Variants in HS3ST3A1 observed in about 807,000 individuals in gnomAD.
HS3ST3A1 encodes heparan sulfate-glucosamine 3-sulfotransferase 3A1.
Under a neutral mutation model 25.7 loss-of-function variants are expected in HS3ST3A1, and 19 were observed. The ratio of observed to expected loss-of-function variants is 0.74; its 90% CI spans 0.52 to 1.08. The LOEUF (loss-of-function observed/expected upper bound fraction) is 1.08, where lower values mean the gene tolerates loss of function less well. Among genes scored for constraint, HS3ST3A1 ranks in the 50% least tolerant of loss-of-function variants. The pLI is 0.00. For synonymous variants in HS3ST3A1, 226 were observed against 278.6 expected, an observed-to-expected ratio of 0.81 and a Z score of 1.88; for missense variants, 459 against 594.3, an observed-to-expected ratio of 0.77 and a Z score of 2.37.
rs189135969 is a variant in HS3ST3A1, at chr17:13,601,423, C to G, written c.-294G>C. On this transcript the variant is annotated 5_prime_UTR_variant, in exon 1 of 2. Coordinates refer to ENST00000284110, the MANE Select transcript of HS3ST3A1 (RefSeq NM_006042.3). Reference sequence around the variant, plus strand: ...CGCCCAAGTCCTGAGCTTGGGGCAGCCTTGGCCCCTCGGTTCCCCGCAAGA... The same window carrying G: ...CGCCCAAGTCCTGAGCTTGGGGCAGGCTTGGCCCCTCGGTTCCCCGCAAGA... The G allele has an allele frequency of 2.4e-5, 8 of 334,274 alleles. No individual in the cohort carries two copies. The highest frequency in any genetic ancestry group is 1.5e-4 in the African/African-American group (7 of 46,806). The allele number at this position is 334,274 out of a possible 1,614,324, so 20.7% of individuals were successfully genotyped here.
intron 1 of HS3ST3A1, among the ~76,000 whole-genome samples, chr17:13,542,298 C>G (rs1417044932): frequency 2.1e-5 from 3 of 146,044 alleles, no homozygotes; most frequent in Non-Finnish European, 4.5e-5. Context: ...CACTGCCCTC[C>G]AGCCTGGGCA....
At chr17:13,511,672 GCTGAAGCATGGTACTGATT>G (rs1905864682) in intron 1 of HS3ST3A1, among the ~76,000 whole-genome samples, 1 of 151,110 alleles carries the variant, frequency 6.6e-6, no homozygotes, top group African/African-American at 2.4e-5. Context: ...AGATGAAACA[GCTGAAGCATGGTACTGATT>G]CTTTCTAGTG....
intron 1 of HS3ST3A1, among the ~76,000 whole-genome samples, chr17:13,522,031 G>T (rs1906263476): frequency 6.6e-6 from 1 of 152,100 alleles, no homozygotes; most frequent in Admixed American, 6.5e-5. Context: ...TCTCCTGGGG[G>T]CAAAACTGTC....
At chr17:13,567,656 A>G (rs1240155032) in intron 1 of HS3ST3A1, among the ~76,000 whole-genome samples, 1 of 152,214 alleles carries the variant, frequency 6.6e-6, no homozygotes, top group African/African-American at 2.4e-5. Flanking sequence ...GATGACTTTG[A>G]CAAGTTCTGG....
chr17:13,539,179 G>A (rs34149033), intron 1 of HS3ST3A1, among the ~76,000 whole-genome samples: 15,060 of 152,242 alleles, frequency 0.099, 898 homozygotes, highest in Non-Finnish European at 0.14. Flanking sequence ...GTGAGCCACA[G>A]CAGAAGCTGT....
chr17:13,504,129 T>C (rs927133974), intron 1 of HS3ST3A1, among the ~76,000 whole-genome samples: 1 of 151,894 alleles, frequency 6.6e-6, no homozygotes, highest in Non-Finnish European at 1.5e-5. Context: ...CCTGACCAAC[T>C]GGTGAAACCC....
chr17:13,495,368 A>C lies in HS3ST3A1; in HGVS notation c.*829T>G, dbSNP rs16940820. On this transcript the variant is annotated 3_prime_UTR_variant, in exon 2 of 2. Coordinates refer to ENST00000284110, the MANE Select transcript of HS3ST3A1 (RefSeq NM_006042.3). ...TTAAGAGAGGTTGTGTCCAGGTCTCAGTGGTTTTCTTGGACACAACTATGT... is the reference window on the plus strand; with the variant it reads ...TTAAGAGAGGTTGTGTCCAGGTCTCCGTGGTTTTCTTGGACACAACTATGT... Among the ~76,000 whole-genome samples, 32,280 of 152,148 alleles carry C rather than the reference A, an allele frequency of 0.21. 3,829 individuals are homozygous for C. The highest frequency in any genetic ancestry group is 0.33 in the African/African-American group (13,778 of 41,482).
rs1006900216 is a variant in HS3ST3A1 at position 13,495,792 on chromosome 17, T to C, written c.*405A>G. 5.0e-5 allele frequency: 8 copies of C among 159,790 alleles called. No homozygotes were observed. The highest frequency in any genetic ancestry group is 1.9e-4 in the African/African-American group (8 of 41,602). The allele number at this position is 159,790 out of a possible 1,614,324, so 9.9% of individuals were successfully genotyped here. On this transcript the variant is annotated 3_prime_UTR_variant, in exon 2 of 2. Coordinates refer to ENST00000284110, the MANE Select transcript of HS3ST3A1 (RefSeq NM_006042.3). ...TGATAATACTAACTGGGAAATAATTTAAGAAAAAGTGGCACGGGAAAAAGG... is the reference window on the plus strand; with the variant it reads ...TGATAATACTAACTGGGAAATAATTCAAGAAAAAGTGGCACGGGAAAAAGG...
intron 1 of HS3ST3A1, among the ~76,000 whole-genome samples, chr17:13,567,129 A>G (rs2142370164): frequency 6.6e-6 from 1 of 152,300 alleles, no homozygotes; most frequent in Non-Finnish European, 1.5e-5. Context: ...GCCAATGCTC[A>G]TTTGCCATTT....
intron 1 of HS3ST3A1, among the ~76,000 whole-genome samples, chr17:13,503,172 T>G (rs1598407101): frequency 2.5e-5 from 1 of 40,792 alleles, no homozygotes; most frequent in Admixed American, 4.0e-4. Flanking sequence ...AGACTCCATC[T>G]CAAAAAAAAA....
At chr17:13,544,468 G>A (rs1907027578) in intron 1 of HS3ST3A1, among the ~76,000 whole-genome samples, 1 of 152,162 alleles carries the variant, frequency 6.6e-6, no homozygotes, top group Admixed American at 6.5e-5. Flanking sequence ...TTGAAGGAAG[G>A]GCTCGCTGCC....
rs1161966358 is a variant in HS3ST3A1 at position 13,600,778 on chromosome 17, G to A, written c.352C>T (p.Pro118Ser). The A allele has an allele frequency of 6.8e-6, 10 of 1,474,682 alleles. No homozygotes were observed. Among genetic ancestry groups the A allele is most frequent in the Middle Eastern group, 2.2e-4 (1 of 4,584 alleles). The allele number at this position is 1,474,682 out of a possible 1,614,324, so 91.3% of individuals were successfully genotyped here. The change falls in exon 1 of 2, where the codon CCT becomes TCT. Residue 118 changes from proline (P) to serine (S), a missense_variant. Physicochemically the swap from Pro to Ser is moderately conservative, Grantham distance 74. Transcript: ENST00000284110. ...CCGCCCGGACCCCCTGACAGGCCAG[G>A]GGACTCTTCTTCCCAGGCCGCCTCC... Reference protein sequence around the residue: ...GEEAAWEEESPGLSGGPGGSG... With the variant: ...GEEAAWEEESSGLSGGPGGSG...
intron 1 of HS3ST3A1, among the ~76,000 whole-genome samples, chr17:13,550,136 C>T (rs1378415765): frequency 5.3e-5 from 8 of 152,136 alleles, no homozygotes; most frequent in Non-Finnish European, 7.3e-5. Flanking sequence ...ATAACTGAAT[C>T]CGTTTAGTAG....
chr17:13,584,064 T>C (rs1908184213), intron 1 of HS3ST3A1, among the ~76,000 whole-genome samples: 1 of 152,216 alleles, frequency 6.6e-6, no homozygotes, highest in South Asian at 2.1e-4. Flanking sequence ...GTATTCATAG[T>C]GAACACATAA....
At chr17:13,585,246 C>T (rs543921993) in intron 1 of HS3ST3A1, among the ~76,000 whole-genome samples, 6 of 112,998 alleles carry the variant, frequency 5.3e-5, no homozygotes, top group African/African-American at 1.7e-4. Flanking sequence ...GTCGCCCAGG[C>T]TGGAGTGCAG....
intron 1 of HS3ST3A1, among the ~76,000 whole-genome samples, chr17:13,573,308 T>C (rs528660744): frequency 2.4e-4 from 37 of 152,218 alleles, no homozygotes; most frequent in African/African-American, 8.7e-4. Context: ...AATCCATCCA[T>C]GCTTTGTCTT....
At chr17:13,582,121 T>C (rs1200462917) in intron 1 of HS3ST3A1, among the ~76,000 whole-genome samples, 1 of 152,154 alleles carries the variant, frequency 6.6e-6, no homozygotes, top group African/African-American at 2.4e-5. Flanking sequence ...CTTTTTTTTT[T>C]CTGATGGATG....
chr17:13,594,502 C>T (rs1908521619), intron 1 of HS3ST3A1, among the ~76,000 whole-genome samples: 1 of 152,154 alleles, frequency 6.6e-6, no homozygotes, highest in Non-Finnish European at 1.5e-5. Flanking sequence ...TCCAGAGCCA[C>T]ACAGGGGAAG....
intron 1 of HS3ST3A1, among the ~76,000 whole-genome samples, chr17:13,590,335 A>AC (rs1218104540): frequency 6.6e-6 from 1 of 152,016 alleles, no homozygotes; most frequent in Non-Finnish European, 1.5e-5. Context: ...TTAAAAAAAA[A>AC]AAAAAAAACT....
Sources: allele counts gnomAD v4.1 joint callset (sites outside exome capture counted in the v4.1 genomes callset), GRCh38; gene constraint gnomAD v4.1.1; transcripts MANE v1.5; gene names NCBI Gene and HGNC (gene_info 2026-07-23, HGNC 2026-07-21).